The following SCNN1B variants were observed in gnomAD, a reference collection of about 807,000 sequenced individuals.
SCNN1B encodes the protein sodium channel epithelial 1 subunit beta, also known as epithelial sodium channel subunit beta.
Under a neutral mutation model 65.3 loss-of-function variants are expected in SCNN1B, and 46 were observed. The observed-to-expected ratio is 0.70, with a 90% CI of 0.56 to 0.90. SCNN1B has a LOEUF of 0.90. Ranked by LOEUF, SCNN1B falls within the 40% of genes least tolerant of loss-of-function variation. The pLI is 0.00. For missense variants in SCNN1B, 751 were observed against 830.5 expected, an observed-to-expected ratio of 0.90 and a Z score of 1.18; for synonymous variants, 349 against 330.6, an observed-to-expected ratio of 1.06 and a Z score of -0.60.
chr16:23,305,612 T>C (rs1195645001), intron 1 of SCNN1B, among the ~76,000 whole-genome samples: 1 of 128,066 alleles, frequency 7.8e-6, no homozygotes, highest in Non-Finnish European at 1.6e-5. Context: ...CTGGGTGTGG[T>C]GGCATGTACC....
At chr16:23,370,220 C>T (rs1339885829) in intron 5 of SCNN1B, among the ~76,000 whole-genome samples, 1 of 152,206 alleles carries the variant, frequency 6.6e-6, no homozygotes, top group Non-Finnish European at 1.5e-5. Context: ...ATTCTCCTGC[C>T]TCAGCCTCCC....
At chr16:23,364,705 T>G (rs1206710760) in intron 4 of SCNN1B, among the ~76,000 whole-genome samples, 1 of 152,064 alleles carries the variant, frequency 6.6e-6, no homozygotes, top group Non-Finnish European at 1.5e-5. Context: ...AAGTCACATC[T>G]TGGAGCCTGG....
At position 23,380,988 on chromosome 16, in the gene SCNN1B, G is replaced by A. The variant is rs886051816; in HGVS notation, c.*187G>A. 24 of 701,964 alleles carry A rather than the reference G, an allele frequency of 3.4e-5. 2 individuals carry two copies. Among genetic ancestry groups the A allele is most frequent in the Middle Eastern group, 7.9e-4 (2 of 2,536 alleles). 43.5% of individuals were successfully genotyped at this position (701,964 alleles called of 1,614,324 possible). A position where few individuals can be genotyped will look rare whatever the true frequency, so the allele number is the denominator to read the frequency against. ...CTGGCCAAGGGCTCTGTAGAATCAC[G>A]GTGCTGGTACAGGATGCAGGAATAA... On this transcript the variant is annotated 3_prime_UTR_variant, in exon 13 of 13. Coordinates refer to ENST00000343070, the MANE Select transcript of SCNN1B (RefSeq NM_000336.3). The surrounding 1 kb of genome is among the most constrained non-coding windows in gnomAD (Gnocchi z 5.4).
intron 2 of SCNN1B, among the ~76,000 whole-genome samples, chr16:23,289,144 ACC>A (rs2141969665): frequency 6.6e-6 from 1 of 152,328 alleles, no homozygotes; most frequent in African/African-American, 2.4e-5. Flanking sequence ...CACTGGGGGC[ACC>A]TTAGAGCCTA....
upstream of SCNN1B, among the ~76,000 whole-genome samples, chr16:23,298,131 G>A (rs1396718788): frequency 7.2e-6 from 1 of 139,168 alleles, no homozygotes; most frequent in East Asian, 1.9e-4. Context: ...ACATTTTTTG[G>A]GGGGTCCCTG....
At chr16:23,355,119 A>T (rs908284787) in intron 3 of SCNN1B, among the ~76,000 whole-genome samples, 180 bp from the exon 4 acceptor site, 7 of 152,154 alleles carry the variant, frequency 4.6e-5, no homozygotes, top group African/African-American at 1.7e-4. Context: ...ACAGCTGTGT[A>T]TGAGGCAGTA....
At chr16:23,354,254 A>T (rs1962371392) in intron 3 of SCNN1B, among the ~76,000 whole-genome samples, 1 of 152,234 alleles carries the variant, frequency 6.6e-6, no homozygotes, top group Admixed American at 6.5e-5. Context: ...CAATGGGATT[A>T]TAGATGTAAG....
chr16:23,340,115 A>G (rs1465078953), intron 1 of SCNN1B, among the ~76,000 whole-genome samples: 1 of 152,058 alleles, frequency 6.6e-6, no homozygotes, highest in Non-Finnish European at 1.5e-5. Flanking sequence ...TATGGTGTCT[A>G]TTCAAATCAT....
At chr16:23,346,297 G>A (rs1340233113) in intron 1 of SCNN1B, among the ~76,000 whole-genome samples, 3 of 134,256 alleles carry the variant, frequency 2.2e-5, no homozygotes, top group Admixed American at 1.7e-4. Context: ...GTGCAATCTC[G>A]GCTCACTGCA....
At chr16:23,303,598 C>G (rs1056272767) in intron 1 of SCNN1B, among the ~76,000 whole-genome samples, 63 of 152,024 alleles carry the variant, frequency 4.1e-4, no homozygotes, top group African/African-American at 1.5e-3. Flanking sequence ...ATATACAGAG[C>G]CATAGAAAAT....
At chr16:23,367,231 C>A (rs1962687636) in intron 4 of SCNN1B, among the ~76,000 whole-genome samples, 1 of 152,192 alleles carries the variant, frequency 6.6e-6, no homozygotes, top group African/African-American at 2.4e-5. Flanking sequence ...CATGGATGTG[C>A]CTCTTTTGAG....
At chr16:23,329,583 C>G (rs1567299242) in intron 1 of SCNN1B, among the ~76,000 whole-genome samples, 1 of 152,184 alleles carries the variant, frequency 6.6e-6, no homozygotes. Flanking sequence ...CCTCTCCATG[C>G]AGTTGAGGAG....
At chr16:23,352,732 C>G in intron 2 of SCNN1B, 69 bp from the exon 3 acceptor site, 1 of 1,555,888 alleles carries the variant, frequency 6.4e-7, no homozygotes, top group Non-Finnish European at 8.9e-7. Context: ...TGGAGTGGGT[C>G]CCAGATTTCA....
In SCNN1B at chr16:23,375,837, C is replaced by T. The variant is rs1330173555; in HGVS notation, c.1252C>T (p.Arg418Trp). 1.4e-5 allele frequency: 22 copies of T among 1,612,340 alleles called. No individual in the cohort carries two copies. The highest frequency in any genetic ancestry group is 2.2e-5 in the East Asian group (1 of 44,880). The stretch of plus-strand genomic sequence containing the variant: ...CCGTGGGGAGAAATACTGCAACAAC[C>T]GGGACTTCCCAGACTGGGGTGAGCG... The part of the protein sequence containing the change: ...LPRGEKYCNN[R>W]DFPDWAHCYS... Residue 418 changes from arginine (R) to tryptophan (W), a missense_variant, in exon 8 of 13, where the codon CGG becomes TGG. Transcript: ENST00000343070.
At chr16:23,309,060 G>A (rs1821508017) in intron 1 of SCNN1B, among the ~76,000 whole-genome samples, 1 of 152,184 alleles carries the variant, frequency 6.6e-6, no homozygotes, top group Non-Finnish European at 1.5e-5. Context: ...TCTGTCCTCA[G>A]CAAAGACATA....
chr16:23,302,540 C>G (rs984808640), intron 1 of SCNN1B, 103 bp downstream of exon 1: 2 of 152,406 alleles, frequency 1.3e-5, no homozygotes, highest in African/African-American at 4.8e-5. Context: ...AGCTCCTGTC[C>G]CGGCCTCAGT....
intron 8 of SCNN1B, among the ~76,000 whole-genome samples, chr16:23,376,460 C>T (rs1025138728): frequency 3.3e-5 from 5 of 151,956 alleles, no homozygotes; most frequent in African/African-American, 1.2e-4. Flanking sequence ...CTCTGCAAGG[C>T]GCTGGGTGGA....
At chr16:23,323,178 A>G (rs771135894) in intron 1 of SCNN1B, among the ~76,000 whole-genome samples, 12 of 152,048 alleles carry the variant, frequency 7.9e-5, no homozygotes, top group Non-Finnish European at 1.2e-4. Context: ...AGCCTGGGTG[A>G]CAGGAGTGAA....
chr16:23,301,034 CA>C (rs1483953149), upstream of SCNN1B, among the ~76,000 whole-genome samples: 1 of 130,192 alleles, frequency 7.7e-6, no homozygotes, highest in Non-Finnish European at 1.6e-5. Flanking sequence ...TCCACATAAA[CA>C]AAAAGTCTCA....
Sources: allele counts gnomAD v4.1 joint callset (sites outside exome capture counted in the v4.1 genomes callset), GRCh38; gene constraint gnomAD v4.1.1; non-coding constraint Gnocchi (gnomAD v3.1); transcripts MANE v1.5; gene names NCBI Gene and HGNC (gene_info 2026-07-23, HGNC 2026-07-21).